Variants in ACSL6 observed in about 807,000 individuals in gnomAD.
ACSL6 encodes long-chain-fatty-acid--CoA ligase 6.
In ACSL6, 47 loss-of-function variants were observed where a neutral mutation model predicts 98.2. The ratio of observed to expected loss-of-function variants is 0.48; its 90% CI spans 0.38 to 0.61. ACSL6 has a LOEUF of 0.61. Among genes scored for constraint, ACSL6 ranks in the 20% least tolerant of loss-of-function variants. The probability of loss-of-function intolerance (pLI) is 0.00; values close to 1 mark genes in which losing one functional copy is unlikely to be tolerated. For synonymous variants in ACSL6, 362 were observed against 336.9 expected (o/e 1.07, Z -0.82); for missense variants, 761 against 913.4 (o/e 0.83, Z 2.15).
intron 5 of ACSL6, 107 bp downstream of exon 5, chr5:131,989,300 T>C: frequency 1.8e-6 from 2 of 1,120,490 alleles, no homozygotes; most frequent in Non-Finnish European, 1.3e-6. Flanking sequence ...AGGGTCTCTG[T>C]TTTTTCTTTT....
chr5:131,981,467 A>G (rs566066035), intron 9 of ACSL6, among the ~76,000 whole-genome samples: 201 of 125,502 alleles, frequency 1.6e-3, no homozygotes, highest in Middle Eastern at 0.015. Context: ...GACATAGAAC[A>G]TCAACCAGCA....
In ACSL6 at chr5:131,951,599, T is replaced by G. The variant is rs1752161543; in HGVS notation, c.*2635A>C. 1 of 180,450 alleles carries G rather than the reference T, an allele frequency of 5.5e-6. No homozygotes were observed. 11.2% of individuals were successfully genotyped at this position (180,450 alleles called of 1,614,324 possible). ...TGTTTTTGTTTTTTTTTTTTCTTTC[T>G]TTTTGAGACGGAGTCTCGTTCTGTT... On this transcript the variant is annotated 3_prime_UTR_variant, in exon 21 of 21. Coordinates refer to ENST00000651883, the MANE Select transcript of ACSL6 (RefSeq NM_001009185.3).
At position 131,997,849 on chromosome 5, in the gene ACSL6, C is replaced by T. The variant is rs539293500; in HGVS notation, c.50-3598G>A. 1.6e-4 allele frequency among the ~76,000 whole-genome samples: 25 copies of T among 152,286 alleles called. No homozygotes were observed. In the South Asian group the frequency reaches 5.2e-3, roughly 32 times the overall value. On this transcript the variant is annotated intron_variant, in intron 1 of 20. Coordinates refer to ENST00000651883, the MANE Select transcript of ACSL6 (RefSeq NM_001009185.3). Reference sequence around the variant, plus strand: ...AACCAGAGGGTCTCGTTCTTTCAGGCTTATCGACCTTCTCAGTCAGAACTG... The same window carrying T: ...AACCAGAGGGTCTCGTTCTTTCAGGTTTATCGACCTTCTCAGTCAGAACTG...
rs1752773862 is a variant in ACSL6 at position 131,962,656 on chromosome 5, T to C, written c.1736A>G (p.Asp579Gly). ...WLPAGTLKII[D>G]RKKHIFKLAQ... Reference sequence around the variant, plus strand: ...AAGTTTAAATATATGCTTTTTCCGATCAATAATTTTAAGAGTTCCTGCCTG... The same window carrying C: ...AAGTTTAAATATATGCTTTTTCCGACCAATAATTTTAAGAGTTCCTGCCTG... The change falls in exon 18 of 21, where the codon GAT (aspartate) becomes GGT (glycine). Residue 579 changes from aspartate (D) to glycine (G), a missense_variant. Coordinates refer to ENST00000651883, the MANE Select transcript of ACSL6 (RefSeq NM_001009185.3). 4.3e-6 allele frequency: 7 copies of C among 1,614,056 alleles called. No individual in the cohort carries two copies. Among genetic ancestry groups the C allele is most frequent in the Non-Finnish European group, 5.9e-6 (7 of 1,179,972 alleles).
intron 11 of ACSL6, chr5:131,974,122 G>C (rs1445866852): frequency 6.6e-6 from 1 of 152,654 alleles, no homozygotes; most frequent in Non-Finnish European, 1.5e-5. Flanking sequence ...CAGATGCCAC[G>C]GCCTTACCTG....
intron 1 of ACSL6, among the ~76,000 whole-genome samples, chr5:131,997,947 G>A (rs767394745): frequency 2.6e-5 from 4 of 152,230 alleles, no homozygotes; most frequent in Non-Finnish European, 5.9e-5. Flanking sequence ...CAGGTCCCCT[G>A]AGGACATGGG....
chr5:132,010,340 A>G (rs1352312452), intron 1 of ACSL6, among the ~76,000 whole-genome samples: 1 of 152,210 alleles, frequency 6.6e-6, no homozygotes, highest in Non-Finnish European at 1.5e-5. Context: ...TTGATCAATT[A>G]AAACCTCGAA....
At chr5:131,976,790 A>C (rs781399258) in intron 9 of ACSL6, 69 bp from the exon 10 acceptor site, 41 of 1,351,106 alleles carry the variant, frequency 3.0e-5, no homozygotes, top group Non-Finnish European at 4.2e-5. Context: ...GCAGTGCCCA[A>C]GTTGGCAGTC....
chr5:132,009,627 C>A (rs919462260), intron 1 of ACSL6, among the ~76,000 whole-genome samples: 1 of 152,196 alleles, frequency 6.6e-6, no homozygotes, highest in Non-Finnish European at 1.5e-5. Context: ...GCAGCCACTA[C>A]CTGCCCCAAG....
rs745506290 is a variant in ACSL6 at position 131,959,607 on chromosome 5, C to G, written c.1960G>C (p.Asp654His). 1.2e-5 allele frequency: 20 copies of G among 1,613,922 alleles called. No individual in the cohort carries two copies. The highest frequency in any genetic ancestry group is 2.7e-5 in the African/African-American group (2 of 75,032). Residue 654 changes from aspartate (D) to histidine (H), a missense_variant and splice_region_variant, in exon 20 of 21, where the codon GAT becomes CAT. Asp to His is a moderately conservative substitution (Grantham distance 81). Coordinates refer to ENST00000651883, the MANE Select transcript of ACSL6 (RefSeq NM_001009185.3). ...TCTTCCAAAATGGCTTTCTTCAGATCCTGAATCAAACCATATGAGAAAAAT... is the reference window on the plus strand; with the variant it reads ...TCTTCCAAAATGGCTTTCTTCAGATGCTGAATCAAACCATATGAGAAAAAT... ...GTYADLCTNK[D>H]LKKAILEDMV...
intron 20 of ACSL6, among the ~76,000 whole-genome samples, chr5:131,955,569 G>A (rs755973903): frequency 6.6e-6 from 1 of 152,172 alleles, no homozygotes; most frequent in African/African-American, 2.4e-5. Context: ...GATAGGTAAG[G>A]GTAGAAAGGA....
intron 9 of ACSL6, chr5:131,984,018 T>C (rs1754035578): frequency 6.6e-6 from 1 of 152,256 alleles, no homozygotes. Context: ...CAAAACCATG[T>C]CACCAAAAAT....
In ACSL6 at chr5:132,011,465, G is replaced by A. The variant is rs773225384; in HGVS notation, c.49+40C>T. The A allele has an allele frequency of 6.3e-7, 1 of 1,597,950 alleles. No individual in the cohort carries two copies. The highest frequency in any genetic ancestry group is 8.6e-7 in the Non-Finnish European group (1 of 1,167,036). On this transcript the variant is annotated intron_variant, in intron 1 of 20. Coordinates refer to ENST00000651883, the MANE Select transcript of ACSL6 (RefSeq NM_001009185.3). The surrounding 1 kb of genome is among the most constrained non-coding windows in gnomAD (Gnocchi z 5.4). The stretch of plus-strand genomic sequence containing the variant: ...TCGGGCGAAGACCTCATAGCCTGCG[G>A]GAGATGGGAGTCCGGGACGCGGACA...
chr5:131,968,130 A>G, intron 15 of ACSL6, 102 bp from the exon 16 acceptor site: 1 of 909,544 alleles, frequency 1.1e-6, no homozygotes. Flanking sequence ...AAAGTGGGGA[A>G]TTATGGATGG....
chr5:131,967,389 C>A (rs1561780857), intron 16 of ACSL6, among the ~76,000 whole-genome samples: 1 of 152,092 alleles, frequency 6.6e-6, no homozygotes, highest in Admixed American at 6.5e-5. Flanking sequence ...AAGGGCCAGG[C>A]ACGGTGGCTC....
intron 19 of ACSL6, 178 bp from the exon 20 acceptor site, chr5:131,959,785 C>T (rs1752602255): frequency 3.2e-6 from 2 of 629,638 alleles, no homozygotes; most frequent in Non-Finnish European, 5.6e-6. Flanking sequence ...TCTCATCTGG[C>T]AAGTAAGTAC....
intron 20 of ACSL6, among the ~76,000 whole-genome samples, chr5:131,956,570 T>C (rs1449046588): frequency 6.6e-6 from 1 of 152,182 alleles, no homozygotes; most frequent in Non-Finnish European, 1.5e-5. Context: ...ACTATTTAAA[T>C]GCTTCTATGA....
intron 1 of ACSL6, among the ~76,000 whole-genome samples, chr5:132,000,274 T>C (rs1033634082): frequency 6.6e-6 from 1 of 152,034 alleles, no homozygotes; most frequent in Non-Finnish European, 1.5e-5. Context: ...AGGTGGAAGA[T>C]AGTGGCTGAT....
Position 131,951,730 on chromosome 5 carries a change from C to G in ACSL6, c.*2504G>C, listed in dbSNP as rs978481128. On this transcript the variant is annotated 3_prime_UTR_variant, in exon 21 of 21. Transcript: ENST00000651883. ...CCTCCCGAGTAGCTGGGACTACAGG[C>G]GCCCGCCACAACGCCCGGCTAATTT... 2.1e-4 allele frequency: 34 copies of G among 163,706 alleles called. No individual in the cohort carries two copies. The highest frequency in any genetic ancestry group is 3.7e-4 in the Non-Finnish European group (28 of 74,774). The allele number at this position is 163,706 out of a possible 1,614,324, so 10.1% of individuals were successfully genotyped here. A position where few individuals can be genotyped will look rare whatever the true frequency, so the allele number is the denominator to read the frequency against.
Sources: gnomAD v4.1 joint callset for allele counts (sites outside exome capture counted in the v4.1 genomes callset) on GRCh38, gnomAD v4.1.1 for gene constraint, Gnocchi (gnomAD v3.1) non-coding constraint, MANE v1.5 for transcripts, NCBI Gene and HGNC (gene_info 2026-07-23, HGNC 2026-07-21) for gene names.